The following ADAMTS2 variants were observed in gnomAD, a reference collection of about 807,000 sequenced individuals.
The protein encoded by ADAMTS2 is A disintegrin and metalloproteinase with thrombospondin motifs 2.
In ADAMTS2, 50 loss-of-function variants were observed where a neutral mutation model predicts 123.0. The ratio of observed to expected loss-of-function variants is 0.41; its 90% CI spans 0.32 to 0.51. The LOEUF is 0.51. Among genes scored for constraint, ADAMTS2 ranks in the 20% least tolerant of loss-of-function variants. The pLI, the probability that ADAMTS2 is intolerant of heterozygous loss-of-function variation, is 0.35. For synonymous variants in ADAMTS2, 678 were observed against 695.4 expected (o/e 0.98, Z 0.39); for missense variants, 1,494 against 1,705.2 (o/e 0.88, Z 2.18).
intron 4 of ADAMTS2, among the ~76,000 whole-genome samples, chr5:179,205,781 ATTATTT>A (rs1252413172): frequency 2.0e-5 from 3 of 150,394 alleles, no homozygotes; most frequent in Non-Finnish European, 3.0e-5. Flanking sequence ...TATTATTATT[ATTATTT>A]TTGAGACGGA....
intron 21 of ADAMTS2, among the ~76,000 whole-genome samples, chr5:179,116,269 C>T (rs1183873439): frequency 2.3e-5 from 3 of 128,102 alleles, no homozygotes; most frequent in Admixed American, 7.9e-5. Context: ...CACCCCCCCC[C>T]CACCCCCCGC....
At chr5:179,208,775 G>A (rs1289078154) in intron 3 of ADAMTS2, among the ~76,000 whole-genome samples, 1 of 152,056 alleles carries the variant, frequency 6.6e-6, no homozygotes, top group Non-Finnish European at 1.5e-5. Flanking sequence ...CCCTTGCACT[G>A]GTCTCTGTGT....
chr5:179,210,032 T>C (rs1764814342), intron 3 of ADAMTS2, among the ~76,000 whole-genome samples: 1 of 152,222 alleles, frequency 6.6e-6, no homozygotes, highest in African/African-American at 2.4e-5. Context: ...GTTGATAGTA[T>C]TTGAAAACTG....
chr5:179,204,803 C>T (rs1451441863), intron 4 of ADAMTS2, among the ~76,000 whole-genome samples: 14 of 152,204 alleles, frequency 9.2e-5, no homozygotes, highest in African/African-American at 1.4e-4. Flanking sequence ...GCTGACCCTC[C>T]GCCGCCGGTC....
At chr5:179,334,801 T>C (rs1202324173) in intron 2 of ADAMTS2, among the ~76,000 whole-genome samples, 1 of 152,118 alleles carries the variant, frequency 6.6e-6, no homozygotes, top group Admixed American at 6.5e-5. Flanking sequence ...TACCAATAGA[T>C]GGAAAGTATT....
chr5:179,163,559 T>C (rs1333561167), intron 5 of ADAMTS2, among the ~76,000 whole-genome samples: 1 of 152,136 alleles, frequency 6.6e-6, no homozygotes, highest in East Asian at 1.9e-4. Context: ...ACCACTTTAT[T>C]CCAGAACCCT....
intron 2 of ADAMTS2, among the ~76,000 whole-genome samples, chr5:179,329,870 T>C (rs1289254046): frequency 6.6e-6 from 1 of 152,108 alleles, no homozygotes; most frequent in Admixed American, 6.5e-5. Flanking sequence ...CTCACGCCTG[T>C]AATCCCAGCA....
At chr5:179,311,996 G>T (rs958442796) in intron 2 of ADAMTS2, among the ~76,000 whole-genome samples, 3 of 152,184 alleles carry the variant, frequency 2.0e-5, no homozygotes, top group Admixed American at 2.0e-4. Context: ...AGGGAGAAGG[G>T]GCATGGGAAC....
intron 2 of ADAMTS2, among the ~76,000 whole-genome samples, chr5:179,323,520 G>A (rs1561745698): frequency 6.6e-6 from 1 of 152,222 alleles, no homozygotes; most frequent in Non-Finnish European, 1.5e-5. Flanking sequence ...ACCTGTCACT[G>A]CCCTGTGGGA....
intron 15 of ADAMTS2, among the ~76,000 whole-genome samples, chr5:179,131,457 T>C (rs1762960467): frequency 6.6e-6 from 1 of 152,068 alleles, no homozygotes. Flanking sequence ...TGGGTGCTGG[T>C]CCACGGCAGC....
intron 3 of ADAMTS2, among the ~76,000 whole-genome samples, chr5:179,218,079 C>A (rs1765044343): frequency 6.6e-6 from 1 of 152,194 alleles, no homozygotes; most frequent in Non-Finnish European, 1.5e-5. Context: ...GCCACACTGC[C>A]CAGAAGAGGA....
chr5:179,240,161 T>C (rs149297134), intron 3 of ADAMTS2, among the ~76,000 whole-genome samples: 3 of 152,168 alleles, frequency 2.0e-5, no homozygotes, highest in East Asian at 3.9e-4. Context: ...ACGGAAGATA[T>C]GAAAAGTCAT....
At chr5:179,344,266 G>T in intron 1 of ADAMTS2, 105 bp from the exon 2 acceptor site, 4 of 1,418,212 alleles carry the variant, frequency 2.8e-6, no homozygotes, top group East Asian at 2.5e-5. Flanking sequence ...ACTGCGAAGG[G>T]AAGGGGCATT....
intron 2 of ADAMTS2, among the ~76,000 whole-genome samples, chr5:179,299,128 T>C (rs1756426372): frequency 6.6e-6 from 1 of 151,772 alleles, no homozygotes; most frequent in African/African-American, 2.4e-5. Flanking sequence ...TTGATACAAA[T>C]AGCATGAGTG....
In ADAMTS2 at chr5:179,136,510, C is replaced by T. The variant is rs1297453701; in HGVS notation, c.1952-468G>A. Among the ~76,000 whole-genome samples, 5 of 151,460 alleles carry T rather than the reference C, an allele frequency of 3.3e-5. No individual in the cohort carries two copies. The East Asian group carries it at 9.7e-4, about 29-fold the overall frequency. On this transcript the variant is annotated intron_variant, in intron 12 of 21. Transcript: ENST00000251582. ...GTGAAACCCGTCTCTACTAAAAATACAAAAATTAGCTGGGTGTGGTGGTGA... is the reference window on the plus strand; with the variant it reads ...GTGAAACCCGTCTCTACTAAAAATATAAAAATTAGCTGGGTGTGGTGGTGA...
At chr5:179,140,140 C>G in intron 10 of ADAMTS2, 105 bp from the exon 11 acceptor site, 2 of 1,541,628 alleles carry the variant, frequency 1.3e-6, no homozygotes, top group Non-Finnish European at 1.8e-6. Flanking sequence ...TGGCCCCACT[C>G]TGGGGCACAG....
rs1465954166 is a variant in ADAMTS2 at position 179,202,503 on chromosome 5, T to C, written c.891+5010A>G. Among the ~76,000 whole-genome samples the C allele has an allele frequency of 6.6e-6, 1 of 152,196 alleles. No homozygotes were observed. Among genetic ancestry groups the C allele is most frequent in the African/African-American group, 2.4e-5 (1 of 41,448 alleles). ...TATTTGAAATGATCCTGTTTGTTTTTCACTTCAGTATCGTCTGTGCCTCCC... is the reference window on the plus strand; with the variant it reads ...TATTTGAAATGATCCTGTTTGTTTTCCACTTCAGTATCGTCTGTGCCTCCC... On this transcript the variant is annotated intron_variant, in intron 4 of 21. Coordinates refer to ENST00000251582, the MANE Select transcript of ADAMTS2 (RefSeq NM_014244.5). This position sits in a 1 kb window ranked among gnomAD's most constrained non-coding sequence, Gnocchi z 4.0.
At chr5:179,263,017 T>C (rs1445326441) in intron 3 of ADAMTS2, among the ~76,000 whole-genome samples, 2 of 151,232 alleles carry the variant, frequency 1.3e-5, no homozygotes, top group Admixed American at 1.3e-4. Flanking sequence ...GCAGTATTAT[T>C]CCCCCATGAT....
chr5:179,284,989 A>G (rs1486508466), intron 2 of ADAMTS2, among the ~76,000 whole-genome samples: 2 of 152,142 alleles, frequency 1.3e-5, no homozygotes, highest in Admixed American at 6.5e-5. Flanking sequence ...CTCTGTGGAC[A>G]GTGTCTGCAG....
Sources: allele counts gnomAD v4.1 joint callset (sites outside exome capture counted in the v4.1 genomes callset), GRCh38; gene constraint gnomAD v4.1.1; non-coding constraint Gnocchi (gnomAD v3.1); transcripts MANE v1.5; gene names NCBI Gene and HGNC (gene_info 2026-07-23, HGNC 2026-07-21).